TRA2A: variants seen among roughly 807,000 people sequenced by gnomAD.
TRA2A encodes transformer-2 protein homolog alpha.
A neutral mutation model predicts 45.7 loss-of-function variants in TRA2A; 31 were observed. The ratio of observed to expected loss-of-function variants is 0.68; its 90% CI spans 0.51 to 0.92. The LOEUF (loss-of-function observed/expected upper bound fraction) is 0.92. Among genes scored for constraint, TRA2A ranks in the 40% least tolerant of loss-of-function variants. TRA2A has a pLI of 0.00. For synonymous variants in TRA2A, 132 were observed against 126.2 expected (o/e 1.05, Z -0.31); for missense variants, 304 against 367.5 (o/e 0.83, Z 1.41).
rs1790609516 is a variant in TRA2A at position 23,531,957 on chromosome 7, A to T, written c.-133T>A. On this transcript the variant is annotated 5_prime_UTR_variant, in exon 1 of 8. Transcript: ENST00000297071. ...ACCACAGCCGCTCCACTCCACTCCC[A>T]CTCGGTCGCAGGCTCCAGCAAAATG... 2.1e-6 allele frequency: 2 copies of T among 947,506 alleles called. No homozygotes were observed. Among genetic ancestry groups the T allele is most frequent in the African/African-American group, 1.6e-5 (1 of 60,988 alleles). 58.7% of individuals were successfully genotyped at this position (947,506 alleles called of 1,614,324 possible). A position where few individuals can be genotyped will look rare whatever the true frequency, so the allele number is the denominator to read the frequency against.
At chr7:23,531,699 C>G in intron 1 of TRA2A, 90 bp downstream of exon 1, 1 of 1,462,086 alleles carries the variant, frequency 6.8e-7, no homozygotes, top group Non-Finnish European at 9.5e-7. Flanking sequence ...CCTCGCGGGA[C>G]TACCCGCAAC....
At chr7:23,509,686 T>C (rs1347119482) in intron 4 of TRA2A, among the ~76,000 whole-genome samples, 1 of 151,276 alleles carries the variant, frequency 6.6e-6, no homozygotes, top group African/African-American at 2.4e-5. Context: ...TGAGCCGAGA[T>C]TGTGCCACTG....
chr7:23,510,938 C>T (rs958296285), intron 4 of TRA2A, among the ~76,000 whole-genome samples: 2 of 151,850 alleles, frequency 1.3e-5, no homozygotes, highest in African/African-American at 2.4e-5. Context: ...TAGAGTTATC[C>T]GGGGTTTCTC....
chr7:23,531,273 G>A, intron 1 of TRA2A: 1 of 988,252 alleles, frequency 1.0e-6, no homozygotes, highest in Non-Finnish European at 1.2e-6. Flanking sequence ...GCCGCTCACT[G>A]AAATAGAGAG....
chr7:23,522,482 A>T, intron 1 of TRA2A: 1 of 908,608 alleles, frequency 1.1e-6, no homozygotes, highest in Non-Finnish European at 1.4e-6. Flanking sequence ...GGGATTATAA[A>T]ACTCTGCTGG....
At chr7:23,509,449 C>T (rs952000882) in intron 4 of TRA2A, among the ~76,000 whole-genome samples, 1 of 152,054 alleles carries the variant, frequency 6.6e-6, no homozygotes, top group Non-Finnish European at 1.5e-5. Flanking sequence ...TTAAAAATCA[C>T]TTTAGGCTGG....
intron 5 of TRA2A, among the ~76,000 whole-genome samples, chr7:23,506,647 G>A (rs973364513): frequency 2.8e-4 from 42 of 152,176 alleles, no homozygotes; most frequent in African/African-American, 9.9e-4. Context: ...GTGTATCCCT[G>A]TGACTAAAAG....
chr7:23,510,218 T>G (rs1789535323), intron 4 of TRA2A, among the ~76,000 whole-genome samples: 1 of 152,174 alleles, frequency 6.6e-6, no homozygotes, highest in Non-Finnish European at 1.5e-5. Context: ...CTGACAAGCC[T>G]CGTCACCCCG....
chr7:23,531,552 G>A (rs924732519), intron 1 of TRA2A: 4 of 586,374 alleles, frequency 6.8e-6, no homozygotes, highest in East Asian at 2.9e-5. Context: ...GGGGAGGGAA[G>A]AGGACCCAGA....
chr7:23,531,637 A>C (rs1406748218), intron 1 of TRA2A, 152 bp downstream of exon 1: 1 of 773,010 alleles, frequency 1.3e-6, no homozygotes, highest in Non-Finnish European at 2.1e-6. Flanking sequence ...AGTGGAACCC[A>C]GAAGCCATCT....
chr7:23,519,703 AT>A (rs976075435), intron 2 of TRA2A, among the ~76,000 whole-genome samples: 4 of 152,280 alleles, frequency 2.6e-5, no homozygotes, highest in East Asian at 3.9e-4. Flanking sequence ...ATCAAGCAAA[AT>A]TTTTTTGCAC....
chr7:23,519,635 A>G (rs989461702), intron 2 of TRA2A, among the ~76,000 whole-genome samples: 1 of 152,178 alleles, frequency 6.6e-6, no homozygotes, highest in South Asian at 2.1e-4. Flanking sequence ...TGATACTGCT[A>G]ACTGTCCTCA....
chr7:23,511,396 A>AG, intron 4 of TRA2A, among the ~76,000 whole-genome samples: 1 of 31,036 alleles, frequency 3.2e-5, no homozygotes, highest in Non-Finnish European at 7.2e-5. Flanking sequence ...AAAAAAAAAA[A>AG]AAAAAAAAAA....
intron 1 of TRA2A, among the ~76,000 whole-genome samples, chr7:23,525,613 T>A (rs1300660228): frequency 3.3e-5 from 5 of 152,116 alleles, no homozygotes; most frequent in Non-Finnish European, 7.4e-5. Flanking sequence ...TTGATGTTTA[T>A]TTGCTTGTTT....
intron 1 of TRA2A, among the ~76,000 whole-genome samples, chr7:23,524,784 C>T (rs745976949): frequency 6.6e-5 from 10 of 151,650 alleles, no homozygotes; most frequent in African/African-American, 2.4e-4. Flanking sequence ...CTCCGCCTCC[C>T]GGATTCAAGC....
chr7:23,531,531 A>G lies in TRA2A; in HGVS notation c.36+258T>C, dbSNP rs796594999. On this transcript the variant is annotated intron_variant, in intron 1 of 7. Coordinates refer to ENST00000297071, the MANE Select transcript of TRA2A (RefSeq NM_013293.5). The stretch of plus-strand genomic sequence containing the variant: ...CAGGGGTGGGGAGAAGGGAGGAAGC[A>G]ATGCGGGGGCGGGGAGGGAAGAGGA... The G allele has an allele frequency of 1.7e-5, 10 of 572,058 alleles. No individual in the cohort carries two copies. The African/African-American group carries it at 1.9e-4, about 11-fold the overall frequency. 35.4% of individuals were successfully genotyped at this position (572,058 alleles called of 1,614,324 possible).
At chr7:23,514,297 A>T (rs1372019999) in intron 3 of TRA2A, among the ~76,000 whole-genome samples, 1 of 152,044 alleles carries the variant, frequency 6.6e-6, no homozygotes, top group East Asian at 1.9e-4. Context: ...CCAACTCCCA[A>T]CCTCAGGTGA....
chr7:23,518,652 A>T (rs1789995347), intron 2 of TRA2A, among the ~76,000 whole-genome samples: 1 of 148,458 alleles, frequency 6.7e-6, no homozygotes, highest in African/African-American at 2.5e-5. Context: ...AAAACTGGTA[A>T]CATTTCTGAG....
rs957498214 is a variant in TRA2A at position 23,507,055 on chromosome 7, G to C, written c.641+365C>G. ...TGGGATTACAGGTGTAAGCCACTGC[G>C]CCCGGCAAATGAACATCGTGAGCCA... On this transcript the variant is annotated intron_variant, in intron 5 of 7. Transcript: ENST00000297071. The C allele has an allele frequency of 1.6e-5, 3 of 184,204 alleles. 1 individual carries two copies. Among genetic ancestry groups the C allele is most frequent in the African/African-American group, 7.1e-5 (3 of 42,374 alleles). 11.4% of individuals were successfully genotyped at this position (184,204 alleles called of 1,614,324 possible).
Sources: gnomAD v4.1 joint callset for allele counts (sites outside exome capture counted in the v4.1 genomes callset) on GRCh38, gnomAD v4.1.1 for gene constraint, MANE v1.5 for transcripts, NCBI Gene and HGNC (gene_info 2026-07-23, HGNC 2026-07-21) for gene names.